Variants in C20orf173 observed in about 807,000 individuals in gnomAD.
C20orf173 encodes the protein uncharacterized protein C20orf173.
In C20orf173, 22 loss-of-function variants were observed where a neutral mutation model predicts 26.7. That is an observed-to-expected ratio of 0.82 (90% CI 0.59 to 1.18). The LOEUF (loss-of-function observed/expected upper bound fraction) is 1.18. Ranked by LOEUF, C20orf173 falls within the 50% of genes most tolerant of loss-of-function variation. The probability of loss-of-function intolerance (pLI) is 0.00; values close to 1 mark genes in which losing one functional copy is unlikely to be tolerated. For missense variants in C20orf173, 210 were observed against 250.3 expected, an observed-to-expected ratio of 0.84 and a Z score of 1.09; for synonymous variants, 85 against 96.4, an observed-to-expected ratio of 0.88 and a Z score of 0.69.
At position 35,528,703 on chromosome 20, in the gene C20orf173, G is replaced by A; in HGVS notation, c.486C>T (p.Phe162=). ...GNDIDQYPVV[F]RNASDQGSWM... ...CCCGCCCTCTCCCCAGCACCCACCT[G>A]AAAACCACGGGGTATTGGTCGATGT... The change falls in exon 3 of 6, where the codon TTC becomes TTT. Residue 162 remains phenylalanine, a splice_region_variant and synonymous_variant. Coordinates refer to ENST00000444723, the MANE Select transcript of C20orf173 (RefSeq NM_001145350.2). 1 of 1,529,436 alleles carries A rather than the reference G, an allele frequency of 6.5e-7. No homozygotes were observed. The allele number at this position is 1,529,436 out of a possible 1,614,324, so 94.7% of individuals were successfully genotyped here.
At chr20:35,520,764 G>A (rs2064470200), downstream of C20orf173, 1 of 152,016 alleles carries the variant, frequency 6.6e-6, no homozygotes, top group Admixed American at 6.6e-5. Context: ...TTTATTTTTT[G>A]GTAAGATACA....
At position 35,529,403 on chromosome 20, in the gene C20orf173, G is replaced by A. The variant is rs2064534661; in HGVS notation, c.-30C>T. On this transcript the variant is annotated 5_prime_UTR_variant, in exon 2 of 6. Coordinates refer to ENST00000444723, the MANE Select transcript of C20orf173 (RefSeq NM_001145350.2). ...GGCCCAGGCGGTGGCTCCCGTGGTGGGCCGTAGACTGGCTTCTCTACCTGT... is the reference window on the plus strand; with the variant it reads ...GGCCCAGGCGGTGGCTCCCGTGGTGAGCCGTAGACTGGCTTCTCTACCTGT... 3.3e-6 allele frequency: 5 copies of A among 1,500,606 alleles called. No individual in the cohort carries two copies. The highest frequency in any genetic ancestry group is 4.4e-6 in the Non-Finnish European group (5 of 1,124,760). 93.0% of individuals were successfully genotyped at this position (1,500,606 alleles called of 1,614,324 possible). A position where few individuals can be genotyped will look rare whatever the true frequency, so the allele number is the denominator to read the frequency against.
intron 2 of C20orf173, 54 bp downstream of exon 2, chr20:35,529,011 G>T: frequency 6.5e-7 from 1 of 1,535,990 alleles, no homozygotes. Flanking sequence ...GTGGGAGATG[G>T]GTGAGGCCCG....
chr20:35,525,650 C>T (rs1053029782), downstream of C20orf173, among the ~76,000 whole-genome samples: 1 of 152,186 alleles, frequency 6.6e-6, no homozygotes, highest in Non-Finnish European at 1.5e-5. Flanking sequence ...TGATGCAGGG[C>T]AGGCAATCCC....
intron 5 of C20orf173, 39 bp downstream of exon 5, chr20:35,528,194 C>G: frequency 6.5e-7 from 1 of 1,538,134 alleles, no homozygotes; most frequent in Non-Finnish European, 8.8e-7. Context: ...CCACAGCAAC[C>G]CACAGCCACA....
rs368718006 is a variant in C20orf173 at position 35,529,397 on chromosome 20, G to A, written c.-24C>T. 133 of 1,509,646 alleles carry A rather than the reference G, an allele frequency of 8.8e-5. 1 individual carries two copies. In the East Asian group the frequency reaches 2.8e-3, roughly 32 times the overall value. The allele number at this position is 1,509,646 out of a possible 1,614,324, so 93.5% of individuals were successfully genotyped here. A position where few individuals can be genotyped will look rare whatever the true frequency, so the allele number is the denominator to read the frequency against. ...ATGTCTGGCCCAGGCGGTGGCTCCCGTGGTGGGCCGTAGACTGGCTTCTCT... is the reference window on the plus strand; with the variant it reads ...ATGTCTGGCCCAGGCGGTGGCTCCCATGGTGGGCCGTAGACTGGCTTCTCT... On this transcript the variant is annotated 5_prime_UTR_variant, in exon 2 of 6. The change creates a new upstream start codon in the 5' untranslated region. Coordinates refer to ENST00000444723, the MANE Select transcript of C20orf173 (RefSeq NM_001145350.2).
chr20:35,525,469 T>G, downstream of C20orf173, among the ~76,000 whole-genome samples: 1 of 152,044 alleles, frequency 6.6e-6, no homozygotes, highest in East Asian at 1.9e-4. Context: ...GGAGAATTGC[T>G]TGAACCTGGG....
At chr20:35,528,971 C>G (rs1440968093) in intron 2 of C20orf173, 92 bp from the exon 3 acceptor site, 1 of 1,538,588 alleles carries the variant, frequency 6.5e-7, no homozygotes, top group African/African-American at 1.4e-5. Context: ...GCTGTGAAGA[C>G]AGGGCCAAGG....
Position 35,529,206 on chromosome 20 carries a change from G to A in C20orf173, c.168C>T (p.Cys56=). The A allele has an allele frequency of 6.4e-7, 1 of 1,551,698 alleles. No individual in the cohort carries two copies. Among genetic ancestry groups the A allele is most frequent in the South Asian group, 1.2e-5 (1 of 84,058 alleles). ...CPWFSSGKCG[C]PSETLNCSSC... ...AGGAGCAGTTGAGGGTCTCAGAAGG[G>A]CAGCCACACTTCCCGGAACTGAACC... The change falls in exon 2 of 6, where the codon TGC becomes TGT. Residue 56 remains cysteine (C), a synonymous_variant. Coordinates refer to ENST00000444723, the MANE Select transcript of C20orf173 (RefSeq NM_001145350.2).
At chr20:35,525,669 G>A, downstream of C20orf173, among the ~76,000 whole-genome samples, 1 of 152,186 alleles carries the variant, frequency 6.6e-6, no homozygotes, top group African/African-American at 2.4e-5. Flanking sequence ...CCCAAAATTG[G>A]GGCTTAGCCT....
rs1439921705 is a variant in C20orf173 at position 35,528,666 on chromosome 20, G to A, written c.488+35C>T. On this transcript the variant is annotated intron_variant, in intron 3 of 5. Coordinates refer to ENST00000444723, the MANE Select transcript of C20orf173 (RefSeq NM_001145350.2). ...ACTGATGGAACTGTGGGGCAGGCCT[G>A]GCCTTCCTGCTCCCGCCCTCTCCCC... The A allele has an allele frequency of 5.2e-6, 8 of 1,532,248 alleles. No individual in the cohort carries two copies. The East Asian group carries it at 2.0e-4, about 38-fold the overall frequency. The allele number at this position is 1,532,248 out of a possible 1,614,324, so 94.9% of individuals were successfully genotyped here. A position where few individuals can be genotyped will look rare whatever the true frequency, so the allele number is the denominator to read the frequency against.
At chr20:35,526,466 A>G (rs2064502569), downstream of C20orf173, among the ~76,000 whole-genome samples, 1 of 152,044 alleles carries the variant, frequency 6.6e-6, no homozygotes, top group Non-Finnish European at 1.5e-5. Flanking sequence ...TTTCTACAAA[A>G]ACAAAAATTA....
Position 35,528,822 on chromosome 20 carries a change from G to T in C20orf173, c.367C>A (p.Pro123Thr). The change falls in exon 3 of 6, where the codon CCC becomes ACC. Residue 123 changes from proline (P) to threonine (T), a missense_variant. Physicochemically the swap from Pro to Thr is conservative, Grantham distance 38. Transcript: ENST00000444723. ...TCAAAATGGCTCACCGAGAGCCTGG[G>T]AATCCCTTTAAACAGCTTCCTCCAC... Reference protein sequence around the residue: ...KLWRKLFKGIPRLSVSHFDFY... With the variant: ...KLWRKLFKGITRLSVSHFDFY... 6.4e-7 allele frequency: 1 copy of T among 1,551,518 alleles called. No individual in the cohort carries two copies. The highest frequency in any genetic ancestry group is 8.7e-7 in the Non-Finnish European group (1 of 1,146,952).
rs1460663338 is a variant in C20orf173 at position 35,528,729 on chromosome 20, C to T, written c.460G>A (p.Asp154Asn). The change falls in exon 3 of 6, where the codon GAC (aspartate) becomes AAC (asparagine). Residue 154 changes from aspartate (D) to asparagine (N), a missense_variant. By Grantham distance (23) the Asp-to-Asn change is conservative. Coordinates refer to ENST00000444723, the MANE Select transcript of C20orf173 (RefSeq NM_001145350.2). ...QIPQGSSLGN[D>N]IDQYPVVFRN... ...AAAACCACGGGGTATTGGTCGATGTCGTTGCCAAGGCTGGAGCCCTGCGGG... is the reference window on the plus strand; with the variant it reads ...AAAACCACGGGGTATTGGTCGATGTTGTTGCCAAGGCTGGAGCCCTGCGGG... 19 of 1,539,720 alleles carry T rather than the reference C, an allele frequency of 1.2e-5. No homozygotes were observed. The highest frequency in any genetic ancestry group is 1.7e-4 in the Middle Eastern group (1 of 5,902).
Position 35,529,588 on chromosome 20 carries a change from G to C in C20orf173, c.-81C>G. ...AAAACGGTCTCTGACTGGGCATGGGGTGGAAGAGGCCAGGGCAGAGAGACA... is the reference window on the plus strand; with the variant it reads ...AAAACGGTCTCTGACTGGGCATGGGCTGGAAGAGGCCAGGGCAGAGAGACA... On this transcript the variant is annotated 5_prime_UTR_variant, in exon 1 of 6. Transcript: ENST00000444723. 1 of 580,780 alleles carries C rather than the reference G, an allele frequency of 1.7e-6. No individual in the cohort carries two copies. Among genetic ancestry groups the C allele is most frequent in the East Asian group, 2.9e-5 (1 of 34,736 alleles). 36.0% of individuals were successfully genotyped at this position (580,780 alleles called of 1,614,324 possible). A position where few individuals can be genotyped will look rare whatever the true frequency, so the allele number is the denominator to read the frequency against.
At position 35,528,712 on chromosome 20, in the gene C20orf173, G is replaced by A. The variant is rs548552112; in HGVS notation, c.477C>T (p.Pro159=). Residue 159 remains proline (P), a synonymous_variant, in exon 3 of 6, where the codon CCC becomes CCT. Transcript: ENST00000444723. The stretch of plus-strand genomic sequence containing the variant: ...TCCCCAGCACCCACCTGAAAACCAC[G>A]GGGTATTGGTCGATGTCGTTGCCAA... ...SSLGNDIDQY[P]VVFRNASDQG... 2.7e-5 allele frequency: 41 copies of A among 1,531,918 alleles called. No individual in the cohort carries two copies. The highest frequency in any genetic ancestry group is 3.4e-5 in the Non-Finnish European group (39 of 1,136,626). The allele number at this position is 1,531,918 out of a possible 1,614,324, so 94.9% of individuals were successfully genotyped here. A position where few individuals can be genotyped will look rare whatever the true frequency, so the allele number is the denominator to read the frequency against.
downstream of C20orf173, among the ~76,000 whole-genome samples, chr20:35,523,897 C>T (rs1448063811): frequency 2.0e-5 from 3 of 152,080 alleles, no homozygotes; most frequent in Admixed American, 1.3e-4. Context: ...ATCACTTGAG[C>T]CCGTGAGTTC....
Position 35,529,549 on chromosome 20 carries a change from A to G in C20orf173, c.-52+10T>C. On this transcript the variant is annotated intron_variant, in intron 1 of 5. Coordinates refer to ENST00000444723, the MANE Select transcript of C20orf173 (RefSeq NM_001145350.2). ...CCCCTCCTCTCCTGCCTCACTATCC[A>G]TTTGCTCACCCTCAAAACGGTCTCT... The G allele has an allele frequency of 1.6e-6, 1 of 628,980 alleles. No individual in the cohort carries two copies. The highest frequency in any genetic ancestry group is 2.0e-5 in the South Asian group (1 of 49,516). 39.0% of individuals were successfully genotyped at this position (628,980 alleles called of 1,614,324 possible).
chr20:35,528,576 G>C (rs1335431130), intron 3 of C20orf173, 32 bp from the exon 4 acceptor site: 5 of 1,550,400 alleles, frequency 3.2e-6, no homozygotes, highest in Non-Finnish European at 4.4e-6. Context: ...GTGTGGTTTG[G>C]TTCCCCACGT....
Sources: gnomAD v4.1 joint callset for allele counts (sites outside exome capture counted in the v4.1 genomes callset) on GRCh38, gnomAD v4.1.1 for gene constraint, MANE v1.5 for transcripts, NCBI Gene and HGNC (gene_info 2026-07-23, HGNC 2026-07-21) for gene names.